Variants in KCNH5 observed in about 807,000 individuals in gnomAD.
The protein encoded by KCNH5 is potassium voltage-gated channel subfamily H member 5, also known as voltage-gated delayed rectifier potassium channel KCNH5.
A neutral mutation model predicts 96.1 loss-of-function variants in KCNH5; 46 were observed. That is an observed-to-expected ratio of 0.48 (90% CI 0.38 to 0.61). KCNH5 has a LOEUF of 0.61. Among genes scored for constraint, KCNH5 ranks in the 20% least tolerant of loss-of-function variants. KCNH5 has a pLI of 0.00. For synonymous variants in KCNH5, 439 were observed against 449.8 expected, an observed-to-expected ratio of 0.98 and a Z score of 0.30; for missense variants, 907 against 1,225.8, an observed-to-expected ratio of 0.74 and a Z score of 3.88.
chr14:62,708,166 G>C lies in KCNH5; in HGVS notation c.2309C>G (p.Thr770Ser). 2 of 1,614,212 alleles carry C rather than the reference G, an allele frequency of 1.2e-6. No homozygotes were observed. The highest frequency in any genetic ancestry group is 1.7e-6 in the Non-Finnish European group (2 of 1,180,046). The stretch of plus-strand genomic sequence containing the variant: ...GTTGTTCTGCTTAAGGGATTCACTG[G>C]TTTTCACATAGGCCAGAGACGTCTG... ...PIQTSLAYVK[T>S]SESLKQNNRD... Residue 770 changes from threonine (T) to serine (S), a missense_variant, in exon 11 of 11, where the codon ACC becomes AGC. Around this residue, in one of 6 missense-constraint regions of KCNH5, gnomAD observed 362 missense variants for 394.4 expected, o/e 0.92. Coordinates refer to ENST00000322893, the MANE Select transcript of KCNH5 (RefSeq NM_139318.5).
At chr14:62,795,061 C>CA (rs1886511962) in intron 9 of KCNH5, among the ~76,000 whole-genome samples, 1 of 152,004 alleles carries the variant, frequency 6.6e-6, no homozygotes, top group East Asian at 1.9e-4. Context: ...ACACAGTTTC[C>CA]CCCTCAATTA....
intron 8 of KCNH5, among the ~76,000 whole-genome samples, chr14:62,844,641 A>G (rs1228400594): frequency 6.6e-6 from 1 of 152,252 alleles, no homozygotes; most frequent in Non-Finnish European, 1.5e-5. Flanking sequence ...CAACCGTACT[A>G]ATGAGCAGTC....
chr14:62,996,489 T>C (rs17100616), intron 4 of KCNH5, among the ~76,000 whole-genome samples: 2,192 of 152,300 alleles, frequency 0.014, 58 homozygotes, highest in African/African-American at 0.05. Context: ...ATCAAACTCA[T>C]AGTTAAAAAA....
At chr14:62,860,709 A>C (rs1215213627) in intron 7 of KCNH5, among the ~76,000 whole-genome samples, 1 of 152,084 alleles carries the variant, frequency 6.6e-6, no homozygotes, top group Non-Finnish European at 1.5e-5. Context: ...CCCCCTTCTC[A>C]CAGGACCTAC....
chr14:62,890,809 A>G (rs1396848251), intron 7 of KCNH5, among the ~76,000 whole-genome samples: 5 of 152,240 alleles, frequency 3.3e-5, no homozygotes, highest in Non-Finnish European at 7.3e-5. Flanking sequence ...ATCACTGATC[A>G]TTAGAGAGAT....
chr14:62,738,471 A>G (rs1026896378), intron 10 of KCNH5, among the ~76,000 whole-genome samples: 1 of 152,158 alleles, frequency 6.6e-6, no homozygotes, highest in Non-Finnish European at 1.5e-5. Context: ...AATGAGACTC[A>G]ATATTACTGG....
chr14:62,883,692 G>A (rs935457190), intron 7 of KCNH5, among the ~76,000 whole-genome samples: 4 of 152,018 alleles, frequency 2.6e-5, no homozygotes, highest in Non-Finnish European at 5.9e-5. Flanking sequence ...TAATGAGGGT[G>A]GAGGGAGACT....
chr14:62,980,744 G>A, intron 6 of KCNH5, 128 bp downstream of exon 6: 1 of 925,344 alleles, frequency 1.1e-6, no homozygotes. Flanking sequence ...ATAACTTTTG[G>A]CAAGGGTTTC....
intron 7 of KCNH5, among the ~76,000 whole-genome samples, chr14:62,862,106 AAAG>A (rs1378689597): frequency 6.6e-6 from 1 of 152,244 alleles, no homozygotes; most frequent in Non-Finnish European, 1.5e-5. Flanking sequence ...CCAGCATGTA[AAAG>A]AAGCAACAAA....
chr14:62,870,462 T>TA (rs1888231351), intron 7 of KCNH5, among the ~76,000 whole-genome samples: 1 of 152,202 alleles, frequency 6.6e-6, no homozygotes, highest in Non-Finnish European at 1.5e-5. Flanking sequence ...AGTCATGTCC[T>TA]AATGGCATGG....
intron 8 of KCNH5, among the ~76,000 whole-genome samples, chr14:62,823,796 C>A (rs1887162231): frequency 1.3e-5 from 2 of 151,924 alleles, no homozygotes; most frequent in Non-Finnish European, 2.9e-5. Flanking sequence ...TATTATATTT[C>A]TCTGACATTT....
chr14:62,942,676 T>C (rs1889810706), intron 7 of KCNH5, among the ~76,000 whole-genome samples: 1 of 152,204 alleles, frequency 6.6e-6, no homozygotes, highest in Non-Finnish European at 1.5e-5. Flanking sequence ...TGCTAAACCA[T>C]TTGTCTACTG....
chr14:62,838,554 G>T (rs2140034549), intron 8 of KCNH5, among the ~76,000 whole-genome samples: 1 of 152,256 alleles, frequency 6.6e-6, no homozygotes, highest in Admixed American at 6.5e-5. Context: ...GGGGTGCGTA[G>T]TATGAAGATG....
chr14:62,840,566 C>CTTTTCTTTCTTTTTTTT (rs1887561319), intron 8 of KCNH5, among the ~76,000 whole-genome samples: 1 of 76,364 alleles, frequency 1.3e-5, no homozygotes, highest in African/African-American at 5.8e-5. Context: ...TCTTTTTTTT[C>CTTTTCTTTCTTTTTTTT]TTTTTTTTTT....
rs779973719 is a variant in KCNH5, at chr14:62,931,393, GA to G, written c.1369+18739del. Among the ~76,000 whole-genome samples, 8 of 152,222 alleles carry G rather than the reference GA, an allele frequency of 5.3e-5. No homozygotes were observed. The South Asian group carries it at 6.2e-4, about 12-fold the overall frequency. ...TAACAGACCTATGCAAAGAAGCAGAGAGACTCAGCCAGAGATAGAGGGTTGA... is the reference window on the plus strand; with the variant it reads ...TAACAGACCTATGCAAAGAAGCAGAGGACTCAGCCAGAGATAGAGGGTTGA... On this transcript the variant is annotated intron_variant, in intron 7 of 10. Coordinates refer to ENST00000322893, the MANE Select transcript of KCNH5 (RefSeq NM_139318.5).
At chr14:62,732,959 TC>T (rs1173022496) in intron 10 of KCNH5, among the ~76,000 whole-genome samples, 2 of 151,894 alleles carry the variant, frequency 1.3e-5, no homozygotes, top group Non-Finnish European at 2.9e-5. Flanking sequence ...CTTCTTCTTG[TC>T]CCCCTCCTTC....
intron 6 of KCNH5, among the ~76,000 whole-genome samples, chr14:62,972,879 T>C (rs1052893805): frequency 1.3e-5 from 2 of 152,276 alleles, no homozygotes; most frequent in Admixed American, 1.3e-4. Context: ...AAGCAGAGCA[T>C]GAAAAAAATT....
At chr14:62,983,809 T>A (rs1190026044) in intron 5 of KCNH5, among the ~76,000 whole-genome samples, 1 of 152,168 alleles carries the variant, frequency 6.6e-6, no homozygotes, top group Non-Finnish European at 1.5e-5. Context: ...TTCAAAACCT[T>A]CCCAGGTGAT....
chr14:62,804,630 G>A (rs1390894228), intron 8 of KCNH5, among the ~76,000 whole-genome samples: 2 of 152,112 alleles, frequency 1.3e-5, no homozygotes, highest in Admixed American at 6.6e-5. Flanking sequence ...CAGCAAAAAA[G>A]GTCAGGCTCA....
Sources: allele counts gnomAD v4.1 joint callset (sites outside exome capture counted in the v4.1 genomes callset), GRCh38; gene constraint gnomAD v4.1.1; regional missense constraint gnomAD v4.1.1; transcripts MANE v1.5; gene names NCBI Gene and HGNC (gene_info 2026-07-23, HGNC 2026-07-21).